FSTL4: variants seen among roughly 807,000 people sequenced by gnomAD.
FSTL4 encodes the protein follistatin-related protein 4.
FSTL4 carries 28 observed loss-of-function variants against 78.2 expected under a neutral mutation model. That is an observed-to-expected ratio of 0.36 (90% CI 0.27 to 0.49). The LOEUF is 0.49. FSTL4 is among the 20% of genes least tolerant of loss of function. The pLI, the probability that FSTL4 is intolerant of heterozygous loss-of-function variation, is 0.98. For synonymous variants in FSTL4, 422 were observed against 440.5 expected, an observed-to-expected ratio of 0.96 and a Z score of 0.53; for missense variants, 922 against 1,084.9, an observed-to-expected ratio of 0.85 and a Z score of 2.11.
chr5:133,314,096 C>T (rs1362851454), intron 5 of FSTL4, among the ~76,000 whole-genome samples: 1 of 152,184 alleles, frequency 6.6e-6, no homozygotes, highest in African/African-American at 2.4e-5. Flanking sequence ...GGCCTGGATA[C>T]CAAGAGCTCA....
chr5:133,358,597 T>A (rs956280509), intron 4 of FSTL4, among the ~76,000 whole-genome samples: 5 of 147,432 alleles, frequency 3.4e-5, no homozygotes, highest in Non-Finnish European at 7.5e-5. Context: ...ATTTCTTTTT[T>A]TTTTTTTTTT....
chr5:133,792,942 GA>G, the FSTL4 span, among the ~76,000 whole-genome samples: 1 of 152,236 alleles, frequency 6.6e-6, no homozygotes, highest in East Asian at 1.9e-4. Context: ...GAGCTCTGGG[GA>G]AAAGGGCGTT....
At chr5:133,815,472 G>A in the FSTL4 span, among the ~76,000 whole-genome samples, 4 of 152,274 alleles carry the variant, frequency 2.6e-5, no homozygotes, top group African/African-American at 4.8e-5. Context: ...GACTATTTCC[G>A]TGGTTTATGG....
the FSTL4 span, among the ~76,000 whole-genome samples, chr5:133,777,814 A>C: frequency 1.3e-5 from 2 of 152,368 alleles, no homozygotes; most frequent in East Asian, 3.9e-4. Flanking sequence ...CAGGCCATGA[A>C]GGTTGTTTCC....
At chr5:133,713,918 C>A in the FSTL4 span, among the ~76,000 whole-genome samples, 1 of 152,164 alleles carries the variant, frequency 6.6e-6, no homozygotes, top group Admixed American at 6.5e-5. Context: ...TAAACCTGGC[C>A]ACAAAGGGAG....
chr5:133,410,539 C>T (rs769958775), intron 3 of FSTL4, among the ~76,000 whole-genome samples: 23 of 152,186 alleles, frequency 1.5e-4, no homozygotes, highest in Non-Finnish European at 3.2e-4. Context: ...CTCTGTGAGC[C>T]GCCGTGATGC....
At chr5:133,560,164 G>A (rs1759881761) in intron 3 of FSTL4, among the ~76,000 whole-genome samples, 2 of 152,212 alleles carry the variant, frequency 1.3e-5, no homozygotes, top group East Asian at 1.9e-4. Flanking sequence ...GGTGAGTGGC[G>A]CTGTGGCTCT....
chr5:133,354,767 G>A (rs1407385522), intron 4 of FSTL4, among the ~76,000 whole-genome samples: 2 of 152,240 alleles, frequency 1.3e-5, no homozygotes, highest in Non-Finnish European at 2.9e-5. Flanking sequence ...CCACAGCTGT[G>A]CCCATGCAGA....
chr5:133,810,690 T>C, the FSTL4 span, among the ~76,000 whole-genome samples: 1 of 152,176 alleles, frequency 6.6e-6, no homozygotes, highest in Admixed American at 6.5e-5. Context: ...CAAAGATTCG[T>C]TGGACCAGGT....
intron 7 of FSTL4, among the ~76,000 whole-genome samples, chr5:133,241,342 C>T (rs936800717): frequency 6.6e-6 from 1 of 152,198 alleles, no homozygotes; most frequent in African/African-American, 2.4e-5. Flanking sequence ...TGTCTTCTGT[C>T]GAAGAGCCAA....
intron 2 of FSTL4, among the ~76,000 whole-genome samples, chr5:133,570,884 T>C (rs555650430): frequency 1.3e-5 from 2 of 152,210 alleles, no homozygotes; most frequent in South Asian, 2.1e-4. Flanking sequence ...GAATATAATA[T>C]TCTAGAACTT....
chr5:133,263,872 G>A (rs547892019), intron 6 of FSTL4, among the ~76,000 whole-genome samples: 362 of 152,316 alleles, frequency 2.4e-3, no homozygotes, highest in Middle Eastern at 3.4e-3. Flanking sequence ...GAGCCTGAGT[G>A]GGGGCCCAGC....
chr5:133,231,809 T>C (rs1038354724), intron 8 of FSTL4, among the ~76,000 whole-genome samples: 3 of 152,194 alleles, frequency 2.0e-5, no homozygotes, highest in Non-Finnish European at 4.4e-5. Context: ...CAAAGTGCTG[T>C]GATTATAGGC....
the FSTL4 span, among the ~76,000 whole-genome samples, chr5:133,692,192 G>A: frequency 7.2e-5 from 11 of 152,294 alleles, no homozygotes; most frequent in African/African-American, 2.6e-4. Flanking sequence ...CTATTGGCAG[G>A]AAGTGTTATG....
At chr5:133,395,278 C>T (rs935823783) in intron 4 of FSTL4, among the ~76,000 whole-genome samples, 1 of 152,170 alleles carries the variant, frequency 6.6e-6, no homozygotes, top group Admixed American at 6.5e-5. Context: ...TGCAGCTTCA[C>T]TTCTGAGGCC....
intron 2 of FSTL4, among the ~76,000 whole-genome samples, chr5:133,598,310 G>C (rs1039737516): frequency 2.0e-5 from 3 of 152,018 alleles, no homozygotes; most frequent in Non-Finnish European, 4.4e-5. Flanking sequence ...CTGGAGCTCA[G>C]AATCTTGGGA....
chr5:133,744,731 C>T, the FSTL4 span, among the ~76,000 whole-genome samples: 123,457 of 152,112 alleles, frequency 0.81, 50,624 homozygotes, highest in East Asian at 0.95. Context: ...AGGCATGCAC[C>T]GGACTAAGAT....
chr5:133,540,557 T>A (rs1041224505), intron 3 of FSTL4, among the ~76,000 whole-genome samples: 3 of 151,878 alleles, frequency 2.0e-5, no homozygotes, highest in Non-Finnish European at 4.4e-5. Context: ...CCTCATGGAT[T>A]TTCTTTTTGA....
intron 4 of FSTL4, among the ~76,000 whole-genome samples, chr5:133,357,264 G>A (rs1433997135): frequency 1.3e-5 from 2 of 152,080 alleles, no homozygotes; most frequent in Admixed American, 6.6e-5. Context: ...TGCTGTCCCC[G>A]TGCCCTGCCC....
Sources: gnomAD v4.1 joint callset for allele counts (sites outside exome capture counted in the v4.1 genomes callset) on GRCh38, gnomAD v4.1.1 for gene constraint, MANE v1.5 for transcripts, NCBI Gene and HGNC (gene_info 2026-07-23, HGNC 2026-07-21) for gene names.